IMMP2L: variants seen among roughly 807,000 people sequenced by gnomAD.
IMMP2L encodes the protein inner mitochondrial membrane peptidase subunit 2, also known as mitochondrial inner membrane protease subunit 2.
A neutral mutation model predicts 19.3 loss-of-function variants in IMMP2L; 18 were observed. The observed-to-expected ratio is 0.93, with a 90% confidence interval of 0.64 to 1.38. The LOEUF (loss-of-function observed/expected upper bound fraction) is 1.38, where lower values mean the gene tolerates loss of function less well. Among genes scored for constraint, IMMP2L ranks in the 40% most tolerant of loss-of-function variants. IMMP2L has a pLI of 0.00. For missense variants in IMMP2L, 233 were observed against 218.2 expected, an observed-to-expected ratio of 1.07 and a Z score of -0.43; for synonymous variants, 76 against 73.0, an observed-to-expected ratio of 1.04 and a Z score of -0.21.
chr7:111,141,487 T>A (rs1289900920), intron 3 of IMMP2L, among the ~76,000 whole-genome samples: 1 of 152,058 alleles, frequency 6.6e-6, no homozygotes. Context: ...ATCACTGCCT[T>A]AGCTTTATCT....
intron 5 of IMMP2L, among the ~76,000 whole-genome samples, chr7:110,744,034 C>T (rs1200717578): frequency 6.6e-6 from 1 of 152,178 alleles, no homozygotes; most frequent in African/African-American, 2.4e-5. Context: ...AGCACAGCAG[C>T]AGTCTGAGTT....
At chr7:110,688,891 TACAC>T (rs967152659) in intron 5 of IMMP2L, among the ~76,000 whole-genome samples, 1 of 149,852 alleles carries the variant, frequency 6.7e-6, no homozygotes, top group African/African-American at 2.5e-5. Flanking sequence ...TACATATGTA[TACAC>T]ACACACTTTT....
At chr7:110,958,422 T>C (rs1036432573) in intron 4 of IMMP2L, among the ~76,000 whole-genome samples, 11 of 152,064 alleles carry the variant, frequency 7.2e-5, no homozygotes, top group Non-Finnish European at 1.5e-5. Flanking sequence ...GCTTGTGTTA[T>C]TTCCATAATT....
At position 111,411,927 on chromosome 7, in the gene IMMP2L, CT is replaced by C. The variant is rs576063998; in HGVS notation, c.239+75310del. 247 of 171,838 alleles carry C rather than the reference CT, an allele frequency of 1.4e-3. 2 individuals carry two copies. The highest frequency in any genetic ancestry group is 4.8e-3 in the African/African-American group (201 of 41,998). 10.6% of individuals were successfully genotyped at this position (171,838 alleles called of 1,614,324 possible). ...CCTGGGGCCTCCTCACTTTGCAGCT[CT>C]CCCAACTACAGGTGCTAATTGTTGT... On this transcript the variant is annotated intron_variant, in intron 3 of 5. Transcript: ENST00000405709.
intron 4 of IMMP2L, among the ~76,000 whole-genome samples, chr7:110,911,606 G>T (rs1231355184): frequency 6.6e-6 from 1 of 152,114 alleles, no homozygotes; most frequent in East Asian, 1.9e-4. Flanking sequence ...GGCTGAAACA[G>T]GAGTTTTGAA....
intron 3 of IMMP2L, among the ~76,000 whole-genome samples, chr7:111,208,126 G>C (rs960829771): frequency 2.0e-5 from 3 of 151,854 alleles, no homozygotes; most frequent in South Asian, 2.1e-4. Flanking sequence ...CTACTATACC[G>C]TTTATATATT....
chr7:111,400,896 T>C (rs1255122677), intron 3 of IMMP2L, among the ~76,000 whole-genome samples: 2 of 152,154 alleles, frequency 1.3e-5, no homozygotes, highest in African/African-American at 2.4e-5. Flanking sequence ...AGTGACATGA[T>C]TTTGCAGTCA....
rs886727261 is a variant in IMMP2L, at chr7:111,019,028, A to C, written c.240-55463T>G. Among the ~76,000 whole-genome samples the C allele has an allele frequency of 7.2e-5, 11 of 151,822 alleles. 1 individual carries two copies. The South Asian group carries it at 1.0e-3, about 14-fold the overall frequency. ...TAGATAACTTCTAAATAGAGGATAC[A>C]CTGTAATGACTAGTTATTCCATACC... On this transcript the variant is annotated intron_variant, in intron 3 of 5. Coordinates refer to ENST00000405709, the MANE Select transcript of IMMP2L (RefSeq NM_032549.4).
At chr7:111,397,145 T>A (rs1026228134) in intron 3 of IMMP2L, among the ~76,000 whole-genome samples, 11 of 151,952 alleles carry the variant, frequency 7.2e-5, no homozygotes, top group African/African-American at 2.7e-4. Context: ...ATAATAGACA[T>A]ATTTCCAATA....
chr7:110,738,835 T>C (rs774881885), intron 5 of IMMP2L, among the ~76,000 whole-genome samples: 1 of 152,170 alleles, frequency 6.6e-6, no homozygotes, highest in Non-Finnish European at 1.5e-5. Context: ...GGTTCTGTAA[T>C]GGAAAACCTA....
intron 5 of IMMP2L, among the ~76,000 whole-genome samples, chr7:110,844,649 G>A (rs911351159): frequency 5.2e-5 from 5 of 96,390 alleles, no homozygotes; most frequent in African/African-American, 2.1e-4. Context: ...GTCCTACGCA[G>A]AAGACAGAGT....
chr7:110,955,329 T>A (rs1320419562), intron 4 of IMMP2L, among the ~76,000 whole-genome samples: 2 of 151,882 alleles, frequency 1.3e-5, no homozygotes, highest in Non-Finnish European at 2.9e-5. Context: ...AAATTATAAT[T>A]CTTTAACAAG....
intron 4 of IMMP2L, among the ~76,000 whole-genome samples, chr7:110,936,075 A>C (rs1222166334): frequency 6.6e-6 from 1 of 152,226 alleles, no homozygotes; most frequent in Non-Finnish European, 1.5e-5. Context: ...CTTAAACGTA[A>C]GACCTAAAAC....
chr7:111,465,817 A>T (rs1384421408), intron 3 of IMMP2L, among the ~76,000 whole-genome samples: 1 of 152,162 alleles, frequency 6.6e-6, no homozygotes, highest in East Asian at 1.9e-4. Flanking sequence ...CAGCAATCCC[A>T]TTACTGGGTA....
intron 3 of IMMP2L, among the ~76,000 whole-genome samples, chr7:111,024,116 G>A (rs1826572642): frequency 6.6e-6 from 1 of 152,164 alleles, no homozygotes; most frequent in Admixed American, 6.5e-5. Flanking sequence ...CTGAAATAGA[G>A]AATGCAGGTT....
At position 111,122,805 on chromosome 7, in the gene IMMP2L, A is replaced by G. The variant is rs748312876; in HGVS notation, c.240-159240T>C. ...ACATGCCACTCCGAATTCATGTGCTACTTGGCCTAGCTATCACTACACTAG... is the reference window on the plus strand; with the variant it reads ...ACATGCCACTCCGAATTCATGTGCTGCTTGGCCTAGCTATCACTACACTAG... On this transcript the variant is annotated intron_variant, in intron 3 of 5. Transcript: ENST00000405709. 3 of 1,613,476 alleles carry G rather than the reference A, an allele frequency of 1.9e-6. No individual in the cohort carries two copies. In the African/African-American group the frequency reaches 4.0e-5, roughly 22 times the overall value.
intron 3 of IMMP2L, among the ~76,000 whole-genome samples, chr7:111,485,836 T>A (rs1245842734): frequency 6.6e-6 from 1 of 152,002 alleles, no homozygotes; most frequent in Admixed American, 6.6e-5. Context: ...ATTTTTCAAT[T>A]ATCTATTTAA....
At chr7:111,435,712 T>C (rs1425162974) in intron 3 of IMMP2L, among the ~76,000 whole-genome samples, 1 of 151,804 alleles carries the variant, frequency 6.6e-6, no homozygotes, top group Non-Finnish European at 1.5e-5. Flanking sequence ...GCGATTTTAA[T>C]ATCCCAAAAT....
At chr7:111,365,599 G>A (rs1052561773) in intron 3 of IMMP2L, among the ~76,000 whole-genome samples, 4 of 152,212 alleles carry the variant, frequency 2.6e-5, no homozygotes, top group African/African-American at 9.6e-5. Context: ...CAAAGCTGAA[G>A]GATGAAAAGG....
Sources: allele counts gnomAD v4.1 joint callset (sites outside exome capture counted in the v4.1 genomes callset), GRCh38; gene constraint gnomAD v4.1.1; transcripts MANE v1.5; gene names NCBI Gene and HGNC (gene_info 2026-07-23, HGNC 2026-07-21).